WDFY4: variants seen among roughly 807,000 people sequenced by gnomAD.
WDFY4 encodes WD repeat- and FYVE domain-containing protein 4.
Under a neutral mutation model 351.9 loss-of-function variants are expected in WDFY4, and 169 were observed. That is an observed-to-expected ratio of 0.48 (90% CI 0.42 to 0.55). The LOEUF is 0.55. Among genes scored for constraint, WDFY4 ranks in the 20% least tolerant of loss-of-function variants. The pLI is 0.00. For missense variants in WDFY4, 3,803 were observed against 3,935.6 expected (o/e 0.97, Z 0.90); for synonymous variants, 1,622 against 1,574.6 (o/e 1.03, Z -0.71).
chr10:48,742,885 G>T, intron 11 of WDFY4, 83 bp from the exon 12 acceptor site: 1 of 1,299,730 alleles, frequency 7.7e-7, no homozygotes, highest in Non-Finnish European at 1.0e-6. Flanking sequence ...AGAGCTAGTG[G>T]GACGCTCTGG....
intron 54 of WDFY4, among the ~76,000 whole-genome samples, chr10:48,964,549 C>T (rs556394446): frequency 6.6e-6 from 1 of 152,338 alleles, no homozygotes; most frequent in African/African-American, 2.4e-5. Context: ...ATTACACTAA[C>T]AGCAGTCAAC....
Position 48,729,478 on chromosome 10 carries a change from C to T in WDFY4, c.1018C>T (p.Leu340Phe), listed in dbSNP as rs1679544983. Residue 340 changes from leucine to phenylalanine, a missense_variant, in exon 8 of 62, where the codon CTC becomes TTC. Physicochemically the swap from Leu to Phe is conservative, Grantham distance 22. Transcript: ENST00000325239. ...QSEVDPHLEE[L>F]LGLVVWLTTC... ...CGAAGTGGACCCGCATCTGGAGGAG[C>T]TCCTTGGGCTGGTGGTGTGGCTGAC... 6.4e-7 allele frequency: 1 copy of T among 1,551,610 alleles called. No homozygotes were observed. The highest frequency in any genetic ancestry group is 8.7e-7 in the Non-Finnish European group (1 of 1,146,982).
intron 9 of WDFY4, among the ~76,000 whole-genome samples, chr10:48,733,124 T>C (rs2064524677): frequency 6.6e-6 from 1 of 152,242 alleles, no homozygotes; most frequent in African/African-American, 2.4e-5. Context: ...GTATTTCTTT[T>C]CAGCAGCCTA....
At chr10:48,845,413 C>A (rs1208105742) in intron 39 of WDFY4, among the ~76,000 whole-genome samples, 1 of 152,162 alleles carries the variant, frequency 6.6e-6, no homozygotes, top group East Asian at 1.9e-4. Flanking sequence ...ACAGTCCCTG[C>A]CCCAGGAGGT....
intron 39 of WDFY4, among the ~76,000 whole-genome samples, chr10:48,840,772 T>C (rs980435606): frequency 6.6e-6 from 1 of 152,202 alleles, no homozygotes; most frequent in African/African-American, 2.4e-5. Flanking sequence ...CAGTGGTTTT[T>C]CTTTTTCCAT....
intron 31 of WDFY4, among the ~76,000 whole-genome samples, chr10:48,815,084 G>A (rs968512915): frequency 2.0e-5 from 3 of 152,224 alleles, no homozygotes; most frequent in African/African-American, 7.2e-5. Flanking sequence ...ATTCTGGGAT[G>A]TAGTATAGCA....
intron 13 of WDFY4, among the ~76,000 whole-genome samples, chr10:48,771,810 T>A (rs2663044): frequency 0.6 from 91,769 of 152,070 alleles, 28,222 homozygotes; most frequent in East Asian, 0.84. Flanking sequence ...TACCCAGAAG[T>A]TGATGTTGAG....
At chr10:48,708,043 A>G (rs1042162146) in intron 1 of WDFY4, among the ~76,000 whole-genome samples, 2 of 152,214 alleles carry the variant, frequency 1.3e-5, no homozygotes, top group African/African-American at 4.8e-5. Context: ...GTTCTTACTA[A>G]ACTATATATT....
At chr10:48,976,049 T>C (rs531157099) in intron 58 of WDFY4, among the ~76,000 whole-genome samples, 2 of 152,258 alleles carry the variant, frequency 1.3e-5, no homozygotes, top group South Asian at 4.2e-4. Context: ...TTTCAGTCTG[T>C]GCTTGCTGGT....
chr10:48,718,442 C>G (rs1303772775), intron 2 of WDFY4, among the ~76,000 whole-genome samples: 1 of 152,204 alleles, frequency 6.6e-6, no homozygotes, highest in Non-Finnish European at 1.5e-5. Context: ...CCCTTCTTAT[C>G]TTTCCTAGAT....
At chr10:48,823,628 G>A in intron 35 of WDFY4, 1 of 1,013,548 alleles carries the variant, frequency 9.9e-7, no homozygotes, top group Non-Finnish European at 1.2e-6. Context: ...AGCTCTGTGA[G>A]GGTTAAAATC....
intron 13 of WDFY4, among the ~76,000 whole-genome samples, chr10:48,760,765 C>T (rs566120260): frequency 2.6e-4 from 40 of 152,276 alleles, no homozygotes; most frequent in African/African-American, 7.0e-4. Flanking sequence ...CAGCACCTGG[C>T]GTTGGTGGGA....
Position 48,974,527 on chromosome 10 carries a change from A to AAAAAAAAAAAAAAAACAAACAAAACAAC in WDFY4, c.8929-333_8929-332insAAAAAAAAAAAAACAAACAAAACAACAA. On this transcript the variant is annotated intron_variant, in intron 57 of 61. Transcript: ENST00000325239. ...CAAAAAAAAAAAAAAAAAAAAAAAAAAACAACTCATGACATGAACTGCTCC... is the reference window on the plus strand; with the variant it reads ...CAAAAAAAAAAAAAAAAAAAAAAAAAAAAAAAAAAAAAAAACAAACAAAACAACAACAACTCATGACATGAACTGCTCC... 2.2e-4 allele frequency among the ~76,000 whole-genome samples: 5 copies of AAAAAAAAAAAAAAAACAAACAAAACAAC among 23,146 alleles called. 1 individual carries two copies. Among genetic ancestry groups the AAAAAAAAAAAAAAAACAAACAAAACAAC allele is most frequent in the Non-Finnish European group, 5.6e-4 (3 of 5,350 alleles). The allele number at this position is 23,146 out of a possible 152,430, so 15.2% of individuals were successfully genotyped here.
rs1299653120 is a variant in WDFY4, at chr10:48,779,971, C to T, written c.3428C>T (p.Pro1143Leu). The change falls in exon 19 of 62, where the codon CCT becomes CTT. Residue 1143 changes from proline (P) to leucine (L), a missense_variant. By Grantham distance (98) the Pro-to-Leu change is moderately conservative. Coordinates refer to ENST00000325239, the MANE Select transcript of WDFY4 (RefSeq NM_001394531.1). ...DVMEPEDDSEPSAGCQLQVRC... is the reference protein window; with the variant it reads ...DVMEPEDDSELSAGCQLQVRC... ...ATGGAACCTGAGGATGACTCCGAGC[C>T]TTCTGCAGGATGCCAGCTTCAGGTC... is the stretch of plus-strand genomic sequence containing the variant. The T allele has an allele frequency of 6.4e-7, 1 of 1,551,790 alleles. No homozygotes were observed. The highest frequency in any genetic ancestry group is 1.4e-5 in the African/African-American group (1 of 73,176).
intron 13 of WDFY4, among the ~76,000 whole-genome samples, chr10:48,763,339 A>C (rs1439290418): frequency 1.3e-5 from 2 of 152,258 alleles, no homozygotes; most frequent in African/African-American, 4.8e-5. Context: ...GGATCTTTGC[A>C]GCTCTCACAG....
chr10:48,702,688 GCTT>G (rs1159413246), intron 1 of WDFY4, among the ~76,000 whole-genome samples: 1 of 152,206 alleles, frequency 6.6e-6, no homozygotes, highest in African/African-American at 2.4e-5. Context: ...GATGAACAGA[GCTT>G]CTAGAAACAT....
intron 1 of WDFY4, among the ~76,000 whole-genome samples, chr10:48,695,579 AGAACATT>A (rs2063310143): frequency 6.6e-6 from 1 of 152,204 alleles, no homozygotes; most frequent in Non-Finnish European, 1.5e-5. Flanking sequence ...CTAAGAGTAG[AGAACATT>A]GATGTCTCTG....
chr10:48,733,609 G>A (rs951216465), intron 9 of WDFY4, among the ~76,000 whole-genome samples: 9 of 152,220 alleles, frequency 5.9e-5, no homozygotes, highest in African/African-American at 9.6e-5. Flanking sequence ...AGCCCCATCA[G>A]CATTGCTTGG....
In WDFY4 at chr10:48,867,278, G is replaced by T; in HGVS notation, c.6677G>T (p.Cys2226Phe). Residue 2226 changes from cysteine (C) to phenylalanine (F), a missense_variant, in exon 40 of 62, where the codon TGT (cysteine) becomes TTT (phenylalanine). Coordinates refer to ENST00000325239, the MANE Select transcript of WDFY4 (RefSeq NM_001394531.1). ...TCCTTTCTCCAGGATTTTGTGTCAT[G>T]TATAGAGAACTACAGAAGAAGAGGA... The part of the protein sequence containing the change: ...PECKTEDFVS[C>F]IENYRRRGQE... The T allele has an allele frequency of 6.8e-7, 1 of 1,473,854 alleles. No individual in the cohort carries two copies. Among genetic ancestry groups the T allele is most frequent in the Non-Finnish European group, 9.0e-7 (1 of 1,107,056 alleles). The allele number at this position is 1,473,854 out of a possible 1,614,324, so 91.3% of individuals were successfully genotyped here.
Sources: gnomAD v4.1 joint callset for allele counts (sites outside exome capture counted in the v4.1 genomes callset) on GRCh38, gnomAD v4.1.1 for gene constraint, MANE v1.5 for transcripts, NCBI Gene and HGNC (gene_info 2026-07-23, HGNC 2026-07-21) for gene names.